POLR2F: variants seen among roughly 807,000 people sequenced by gnomAD.
POLR2F encodes DNA-directed RNA polymerases I, II, and III subunit RPABC2.
POLR2F carries 12 observed loss-of-function variants against 22.7 expected under a neutral mutation model. That is an observed-to-expected ratio of 0.53 (90% confidence interval 0.34 to 0.86). The LOEUF (loss-of-function observed/expected upper bound fraction) is 0.86. POLR2F is among the 40% of genes least tolerant of loss of function. The pLI is 0.02. For missense variants in POLR2F, 126 were observed against 171.5 expected, an observed-to-expected ratio of 0.73 and a Z score of 1.48; for synonymous variants, 57 against 66.0, an observed-to-expected ratio of 0.86 and a Z score of 0.66.
intron 1 of POLR2F, among the ~76,000 whole-genome samples, chr22:38,020,556 C>A (rs2084952900): frequency 6.6e-6 from 1 of 151,796 alleles, no homozygotes; most frequent in Non-Finnish European, 1.5e-5. Context: ...AGGCATAAGC[C>A]ACCATGCCCG....
chr22:37,955,607 G>T (rs967297755), intron 1 of POLR2F, among the ~76,000 whole-genome samples: 4 of 151,760 alleles, frequency 2.6e-5, no homozygotes, highest in Admixed American at 1.3e-4. Flanking sequence ...ATGAGTACTA[G>T]CAATATTTGG....
At chr22:38,039,299 A>G (rs1156842189) in intron 5 of POLR2F, among the ~76,000 whole-genome samples, 1 of 152,212 alleles carries the variant, frequency 6.6e-6, no homozygotes, top group East Asian at 1.9e-4. Context: ...TAGGAATGTC[A>G]GGAAGCCAGC....
chr22:37,960,709 A>G (rs1285542692), intron 3 of POLR2F, among the ~76,000 whole-genome samples: 1 of 146,816 alleles, frequency 6.8e-6, no homozygotes, highest in African/African-American at 2.5e-5. Context: ...CTATTTTTGT[A>G]TTTTTAGTAG....
intron 1 of POLR2F, chr22:37,987,473 C>T: frequency 3.1e-6 from 1 of 319,274 alleles, no homozygotes; most frequent in South Asian, 2.1e-5. Flanking sequence ...ATGGAAGGCT[C>T]CGCCTGTGTT....
rs1447666754 is a variant in POLR2F at position 37,980,256 on chromosome 22, C to T, written c.293+13086C>T. ...GCCTTGAGGGTGTGACTGGGGAGAACCCACAGAGGAGAGAGCTGCTCCGCC... is the reference window on the plus strand; with the variant it reads ...GCCTTGAGGGTGTGACTGGGGAGAATCCACAGAGGAGAGAGCTGCTCCGCC... On this transcript the variant is annotated intron_variant, in intron 4 of 4. Coordinates refer to the POLR2F transcript ENST00000405557. The surrounding 1 kb of genome is among the most constrained non-coding windows in gnomAD (Gnocchi z 4.1). 6.6e-6 allele frequency among the ~76,000 whole-genome samples: 1 copy of T among 152,008 alleles called. No individual in the cohort carries two copies. The highest frequency in any genetic ancestry group is 1.5e-5 in the Non-Finnish European group (1 of 67,984).
At chr22:37,982,649 G>A (rs779426090), upstream of POLR2F, among the ~76,000 whole-genome samples, 2 of 152,166 alleles carry the variant, frequency 1.3e-5, no homozygotes, top group African/African-American at 2.4e-5. Context: ...GGCCCTGGCA[G>A]GGAAGATGGC....
intron 1 of POLR2F, among the ~76,000 whole-genome samples, chr22:38,003,166 A>T (rs1381855358): frequency 6.6e-6 from 1 of 152,090 alleles, no homozygotes; most frequent in African/African-American, 2.4e-5. Flanking sequence ...GGGAGGGGTT[A>T]GGGTAACTCT....
chr22:38,023,111 T>A (rs542471240), intron 1 of POLR2F, among the ~76,000 whole-genome samples: 1 of 152,222 alleles, frequency 6.6e-6, no homozygotes, highest in Non-Finnish European at 1.5e-5. Flanking sequence ...CCCCTTGGGG[T>A]GTCCCAGCCG....
rs1931359548 is a variant in POLR2F at position 37,955,561 on chromosome 22, G to A, written c.21-1212G>A. Reference sequence around the variant, plus strand: ...CTCAAAAAAAAAAAAAATGCTGATGGGAATGATCCAGTAGAGAGGGAAACA... The same window carrying A: ...CTCAAAAAAAAAAAAAATGCTGATGAGAATGATCCAGTAGAGAGGGAAACA... On this transcript the variant is annotated intron_variant, in intron 1 of 4. Transcript: ENST00000442738. Among the ~76,000 whole-genome samples, 6 of 151,852 alleles carry A rather than the reference G, an allele frequency of 4.0e-5. No homozygotes were observed. In the South Asian group the frequency reaches 1.2e-3, roughly 32 times the overall value.
Position 37,969,232 on chromosome 22 carries a change from T to C in POLR2F, c.*1517T>C. ...TCCTCCTGTCTTCCTCTTCCCATTC[T>C]CCTCTTTTGGGGAGTCCCCTGCTAT... On this transcript the variant is annotated 3_prime_UTR_variant, in exon 5 of 5. Transcript: ENST00000442738. The C allele has an allele frequency of 1.0e-6, 1 of 985,260 alleles. No homozygotes were observed. Among genetic ancestry groups the C allele is most frequent in the Non-Finnish European group, 1.2e-6 (1 of 829,798 alleles). 61.0% of individuals were successfully genotyped at this position (985,260 alleles called of 1,614,324 possible).
chr22:38,039,195 C>G (rs543477254), intron 5 of POLR2F, among the ~76,000 whole-genome samples: 1 of 152,210 alleles, frequency 6.6e-6, no homozygotes. Flanking sequence ...CCGCTCCCAC[C>G]CGTGGGAAGC....
In POLR2F at chr22:37,980,605, T is replaced by TA. The variant is rs533750672; in HGVS notation, c.293+13438dup. ...CCCCAAGCCCAGCCTGCCCACCATGTAAACCCAATCTCCAGCACCAGTCCC... is the reference window on the plus strand; with the variant it reads ...CCCCAAGCCCAGCCTGCCCACCATGTAAAACCCAATCTCCAGCACCAGTCCC... On this transcript the variant is annotated intron_variant, in intron 4 of 4. Coordinates refer to the POLR2F transcript ENST00000405557. This position sits in a 1 kb window ranked among gnomAD's most constrained non-coding sequence, Gnocchi z 4.1. Among the ~76,000 whole-genome samples the TA allele has an allele frequency of 2.7e-4, 41 of 152,160 alleles. No individual in the cohort carries two copies. In the East Asian group the frequency reaches 7.7e-3, roughly 29 times the overall value.
At chr22:38,023,966 C>T (rs1041535300) in intron 1 of POLR2F, among the ~76,000 whole-genome samples, 13 of 151,916 alleles carry the variant, frequency 8.6e-5, no homozygotes, top group Non-Finnish European at 1.8e-4. Flanking sequence ...CTCAGCCTCC[C>T]GAGTAGCTGG....
At chr22:38,000,699 G>A (rs2084761409) in intron 1 of POLR2F, among the ~76,000 whole-genome samples, 1 of 152,210 alleles carries the variant, frequency 6.6e-6, no homozygotes, top group African/African-American at 2.4e-5. Context: ...TCCCTGCCTG[G>A]CTTTGGAGGT....
intron 1 of POLR2F, among the ~76,000 whole-genome samples, chr22:38,014,804 G>GTT (rs1569180964): frequency 9.2e-6 from 1 of 108,538 alleles, no homozygotes; most frequent in Non-Finnish European, 1.9e-5. Context: ...TTGTATTTTT[G>GTT]TATTTTTTTT....
Position 37,998,062 on chromosome 22 carries a change from G to A in POLR2F, c.120+11750G>A, listed in dbSNP as rs1275152138. 2.0e-5 allele frequency among the ~76,000 whole-genome samples: 3 copies of A among 152,208 alleles called. No homozygotes were observed. The East Asian group carries it at 5.8e-4, about 29-fold the overall frequency. On this transcript the variant is annotated intron_variant, in intron 1 of 2. Coordinates refer to the POLR2F transcript ENST00000333418. The stretch of plus-strand genomic sequence containing the variant: ...GAGGCAGGGAGAGGGTGGGAAGTGG[G>A]AGTGGAGGGGTATGTTCTTCCCCTC...
At chr22:38,041,143 G>A, downstream of POLR2F, 1 of 1,612,346 alleles carries the variant, frequency 6.2e-7, no homozygotes, top group Non-Finnish European at 8.5e-7. Flanking sequence ...TACATGGAAT[G>A]CCAGAGCCAG....
upstream of POLR2F, chr22:37,983,342 C>CGGTGG: frequency 3.1e-6 from 5 of 1,600,104 alleles, no homozygotes; most frequent in Non-Finnish European, 4.3e-6. The surrounding 1 kb of genome is among the most constrained non-coding windows in gnomAD (Gnocchi z 9.5). Context: ...GCCCGGGGGG[C>CGGTGG]GGTCGGGTGC....
In POLR2F at chr22:37,986,526, G is replaced by C. The variant is rs759475345; in HGVS notation, c.120+214G>C. On this transcript the variant is annotated intron_variant, in intron 1 of 2. Transcript: ENST00000333418. The surrounding 1 kb of genome is among the most constrained non-coding windows in gnomAD (Gnocchi z 4.7). The stretch of plus-strand genomic sequence containing the variant: ...TTCCTCCTTTGCCCTCCTTGGTCCA[G>C]CTGTGCCAGGATGGGGGTGGGGGTA... 3.4e-6 allele frequency: 4 copies of C among 1,184,902 alleles called. No homozygotes were observed. In the Admixed American group the frequency reaches 7.9e-5, roughly 23 times the overall value. 73.4% of individuals were successfully genotyped at this position (1,184,902 alleles called of 1,614,324 possible).
Sources: allele counts gnomAD v4.1 joint callset (sites outside exome capture counted in the v4.1 genomes callset), GRCh38; gene constraint gnomAD v4.1.1; non-coding constraint Gnocchi (gnomAD v3.1); transcripts MANE v1.5; gene names NCBI Gene and HGNC (gene_info 2026-07-23, HGNC 2026-07-21).